The following OR1C1 variants were observed in gnomAD, a reference collection of about 807,000 sequenced individuals.
OR1C1 encodes olfactory receptor family 1 subfamily C member 1, also known as olfactory receptor 1C1.
For missense variants in OR1C1, 407 were observed against 384.3 expected (o/e 1.06, Z -0.49); for synonymous variants, 153 against 154.6 (o/e 0.99, Z 0.08).
Position 247,758,042 on chromosome 1 carries a change from C to T in OR1C1, c.365G>A (p.Arg122Lys), listed in dbSNP as rs376521367. 6.2e-7 allele frequency: 1 copy of T among 1,613,990 alleles called. No individual in the cohort carries two copies. Among genetic ancestry groups the T allele is most frequent in the Admixed American group, 1.7e-5 (1 of 59,974 alleles). ...SLLLCVMAYD[R>K]YVAICHPLHY... Reference sequence around the variant, plus strand: ...TAAGGGGTGGCAAATCGCCACATATCTATCATACGCCATCACACACAGAAG... The same window carrying T: ...TAAGGGGTGGCAAATCGCCACATATTTATCATACGCCATCACACACAGAAG... Residue 122 changes from arginine (R) to lysine (K), a missense_variant, in exon 2 of 2, where the codon AGA becomes AAA. Arg to Lys is a conservative substitution (Grantham distance 26). Coordinates refer to ENST00000641256, the MANE Select transcript of OR1C1 (RefSeq NM_012353.3).
At position 247,757,872 on chromosome 1, in the gene OR1C1, A is replaced by G. The variant is rs75170791; in HGVS notation, c.535T>C (p.Cys179Arg). The G allele has an allele frequency of 1.2e-3, 1,862 of 1,614,076 alleles. 18 individuals carry two copies. The African/African-American group carries it at 0.022, about 19-fold the overall frequency. Reference sequence around the variant, plus strand: ...AGCTGCAGGAGAGGATTGAGATCACAGAAGAAATGATGGATGATATTGGAG... The same window carrying G: ...AGCTGCAGGAGAGGATTGAGATCACGGAAGAAATGATGGATGATATTGGAG... ...CASNIIHHFF[C>R]DLNPLLQLSC... is the part of the protein sequence containing the mutation. Residue 179 changes from cysteine to arginine, a missense_variant, in exon 2 of 2, where the codon TGT becomes CGT. Transcript: ENST00000641256.
chr1:247,757,566 C>A lies in OR1C1; in HGVS notation c.841G>T (p.Val281Leu), dbSNP rs1165752262. Residue 281 changes from valine (V) to leucine (L), a missense_variant, in exon 2 of 2, where the codon GTG becomes TTG. By Grantham distance (32) the Val-to-Leu change is conservative. Transcript: ENST00000641256. ...ATGAAAGGATTCAGCATCGGAGCCA[C>A]CATTGAATACATGATGGTTGACAGA... ...DTLSTIMYSM[V>L]APMLNPFIYT... 1 of 1,613,834 alleles carries A rather than the reference C, an allele frequency of 6.2e-7. No homozygotes were observed. Among genetic ancestry groups the A allele is most frequent in the Non-Finnish European group, 8.5e-7 (1 of 1,179,948 alleles).
rs193139603 is a variant in OR1C1 at position 247,754,981 on chromosome 1, A to G, written c.*2481T>C. The G allele has an allele frequency of 1.8e-4, 27 of 152,328 alleles. No individual in the cohort carries two copies. The highest frequency in any genetic ancestry group is 8.5e-4 in the Admixed American group (13 of 15,294). The allele number at this position is 152,328 out of a possible 1,614,324, so 9.4% of individuals were successfully genotyped here. A position where few individuals can be genotyped will look rare whatever the true frequency, so the allele number is the denominator to read the frequency against. ...TAATCAAAAATGGCATGGTACTGGC[A>G]TAAAAATAGACACATAGAAATAAAT... On this transcript the variant is annotated 3_prime_UTR_variant, in exon 2 of 2. Transcript: ENST00000641256.
In OR1C1 at chr1:247,758,278, C is replaced by G; in HGVS notation, c.129G>C (p.Met43Ile). ...CMYLATTLGNMLIIATIGFDS... is the reference protein window; with the variant it reads ...CMYLATTLGNILIIATIGFDS... Reference sequence around the variant, plus strand: ...CAAAGCCAATCGTCGCAATGATGAGCATGTTCCCCAAGGTGGTGGCTAAAT... The same window carrying G: ...CAAAGCCAATCGTCGCAATGATGAGGATGTTCCCCAAGGTGGTGGCTAAAT... The change falls in exon 2 of 2, where the codon ATG becomes ATC. Residue 43 changes from methionine (M) to isoleucine (I), a missense_variant. By Grantham distance (10) the Met-to-Ile change is conservative. Transcript: ENST00000641256. The G allele has an allele frequency of 6.2e-7, 1 of 1,613,938 alleles. No homozygotes were observed. The highest frequency in any genetic ancestry group is 8.5e-7 in the Non-Finnish European group (1 of 1,179,936).
At chr1:247,758,487 AGTGT>A (rs61126187) in intron 1 of OR1C1, 68 bp from the exon 2 acceptor site, 1,310 of 595,122 alleles carry the variant, frequency 2.2e-3, no homozygotes, top group East Asian at 8.5e-3. Flanking sequence ...AGAGAGAGAC[AGTGT>A]GTGTGTGTGT....
chr1:247,757,710 C>G lies in OR1C1; in HGVS notation c.697G>C (p.Gly233Arg). Residue 233 changes from glycine to arginine, a missense_variant, in exon 2 of 2, where the codon GGC (glycine) becomes CGC (arginine). Coordinates refer to ENST00000641256, the MANE Select transcript of OR1C1 (RefSeq NM_012353.3). Reference protein sequence around the residue: ...STVLKITSTQGKQRAVSTCSC... With the variant: ...STVLKITSTQRKQRAVSTCSC... ...CAGGTGGAAACAGCTCTCTGCTTGCCCTGAGTAGAGGTGATCTTCAGAACA... is the reference window on the plus strand; with the variant it reads ...CAGGTGGAAACAGCTCTCTGCTTGCGCTGAGTAGAGGTGATCTTCAGAACA... The G allele has an allele frequency of 6.2e-7, 1 of 1,613,994 alleles. No individual in the cohort carries two copies. Among genetic ancestry groups the G allele is most frequent in the Non-Finnish European group, 8.5e-7 (1 of 1,179,964 alleles).
Position 247,757,783 on chromosome 1 carries a change from G to T in OR1C1, c.624C>A (p.Leu208=). The stretch of plus-strand genomic sequence containing the variant: ...ATACGAGGATACAGACAAGGGGCGT[G>T]AGAGCCAATAGACCTCCTACTGCAA... ...IIFAVGGLLA[L]TPLVCILVSY... The change falls in exon 2 of 2, where the codon CTC becomes CTA. Residue 208 remains leucine, a synonymous_variant. Coordinates refer to ENST00000641256, the MANE Select transcript of OR1C1 (RefSeq NM_012353.3). The T allele has an allele frequency of 6.2e-7, 1 of 1,614,004 alleles. No individual in the cohort carries two copies. Among genetic ancestry groups the T allele is most frequent in the South Asian group, 1.1e-5 (1 of 91,068 alleles).
intron 1 of OR1C1, among the ~76,000 whole-genome samples, chr1:247,758,845 C>T (rs1169367336): frequency 6.6e-6 from 1 of 152,064 alleles, no homozygotes; most frequent in Non-Finnish European, 1.5e-5. Flanking sequence ...ATTTTCCTCC[C>T]AATCTGATGC....
intron 1 of OR1C1, 68 bp from the exon 2 acceptor site, chr1:247,758,487 A>AGTGTGTGTGTGTGTGTGTGT (rs61126187): frequency 1.8e-6 from 1 of 569,978 alleles, no homozygotes; most frequent in Admixed American, 3.0e-5. Flanking sequence ...AGAGAGAGAC[A>AGTGTGTGTGTGTGTGTGTGT]GTGTGTGTGT....
In OR1C1 at chr1:247,757,657, C is replaced by A; in HGVS notation, c.750G>T (p.Leu250Phe). Residue 250 changes from leucine to phenylalanine, a missense_variant, in exon 2 of 2, where the codon TTG becomes TTT. Transcript: ENST00000641256. ...TCSCHLSVVVLFYGTAIAVYF... is the reference protein window; with the variant it reads ...TCSCHLSVVVFFYGTAIAVYF... ...AGACGGCGATGGCTGTGCCGTAAAA[C>A]AACACCACCACTGACAGGTGGCAGC... 2 of 1,614,064 alleles carry A rather than the reference C, an allele frequency of 1.2e-6. No homozygotes were observed. Among genetic ancestry groups the A allele is most frequent in the Non-Finnish European group, 1.7e-6 (2 of 1,179,996 alleles).
chr1:247,757,940 G>T lies in OR1C1; in HGVS notation c.467C>A (p.Ala156Asp), dbSNP rs759576255. Residue 156 changes from alanine (A) to aspartate (D), a missense_variant, in exon 2 of 2, where the codon GCC (alanine) becomes GAC (aspartate). Transcript: ENST00000641256. ...AGLWLVTYLH[A>D]LLHTVLIAQL... ...TGCTATTAGGACAGTATGCAGGAGG[G>T]CGTGGAGGTAAGTAACAAGCCACAG... 2 of 1,614,080 alleles carry T rather than the reference G, an allele frequency of 1.2e-6. No homozygotes were observed. Among genetic ancestry groups the T allele is most frequent in the Admixed American group, 1.7e-5 (1 of 59,984 alleles).
At chr1:247,759,588 A>G (rs1251276714) in intron 1 of OR1C1, among the ~76,000 whole-genome samples, 1 of 152,178 alleles carries the variant, frequency 6.6e-6, no homozygotes, top group African/African-American at 2.4e-5. Flanking sequence ...TATTTTATTG[A>G]TTTGTATGAC....
chr1:247,759,681 A>G (rs1661295133), intron 1 of OR1C1, among the ~76,000 whole-genome samples: 1 of 152,236 alleles, frequency 6.6e-6, no homozygotes, highest in South Asian at 2.1e-4. Context: ...GATTAACCCT[A>G]GAGAACACAA....
chr1:247,757,918 T>C lies in OR1C1; in HGVS notation c.489A>G (p.Ile163Met), dbSNP rs746461416. The C allele has an allele frequency of 6.2e-6, 10 of 1,614,020 alleles. No homozygotes were observed. The highest frequency in any genetic ancestry group is 8.5e-6 in the Non-Finnish European group (10 of 1,179,950). ...TGGAGGCACAGAAGGACAGCTGTGC[T>C]ATTAGGACAGTATGCAGGAGGGCGT... Reference protein sequence around the residue: ...YLHALLHTVLIAQLSFCASNI... With the variant: ...YLHALLHTVLMAQLSFCASNI... Residue 163 changes from isoleucine to methionine, a missense_variant, in exon 2 of 2, where the codon ATA becomes ATG. By Grantham distance (10) the Ile-to-Met change is conservative. Coordinates refer to ENST00000641256, the MANE Select transcript of OR1C1 (RefSeq NM_012353.3).
At chr1:247,759,052 C>A (rs1009518027) in intron 1 of OR1C1, among the ~76,000 whole-genome samples, 1 of 151,992 alleles carries the variant, frequency 6.6e-6, no homozygotes, top group African/African-American at 2.4e-5. Context: ...CTTTCAGGAC[C>A]CTTCCTTGTA....
Position 247,757,600 on chromosome 1 carries a change from C to A in OR1C1, c.807G>T (p.Glu269Asp). The A allele has an allele frequency of 6.2e-7, 1 of 1,614,064 alleles. No homozygotes were observed. The highest frequency in any genetic ancestry group is 8.5e-7 in the Non-Finnish European group (1 of 1,180,006). The change falls in exon 2 of 2, where the codon GAG becomes GAT. Residue 269 changes from glutamate to aspartate, a missense_variant. Coordinates refer to ENST00000641256, the MANE Select transcript of OR1C1 (RefSeq NM_012353.3). Reference protein sequence around the residue: ...YFSPSSPHMPESDTLSTIMYS... With the variant: ...YFSPSSPHMPDSDTLSTIMYS... ...ACATGATGGTTGACAGAGTGTCGCT[C>A]TCAGGCATATGGGGGGATGAAGGGC...
Position 247,757,926 on chromosome 1 carries a change from C to A in OR1C1, c.481G>T (p.Val161Phe), listed in dbSNP as rs568460638. 9.9e-6 allele frequency: 16 copies of A among 1,614,016 alleles called. No homozygotes were observed. The highest frequency in any genetic ancestry group is 6.7e-5 in the East Asian group (3 of 44,862). ...CAGAAGGACAGCTGTGCTATTAGGA[C>A]AGTATGCAGGAGGGCGTGGAGGTAA... The part of the protein sequence containing the change: ...VTYLHALLHT[V>F]LIAQLSFCAS... The change falls in exon 2 of 2, where the codon GTC becomes TTC. Residue 161 changes from valine to phenylalanine, a missense_variant. Physicochemically the swap from Val to Phe is conservative, Grantham distance 50. Transcript: ENST00000641256.
At position 247,758,216 on chromosome 1, in the gene OR1C1, C is replaced by T. The variant is rs1661262139; in HGVS notation, c.191G>A (p.Ser64Asn). ...GCAGATGTCAACAAAGGCCAAGTTA[C>T]TAAGGAAGAAGTACATAGGGGAATG... ...HLHSPMYFFL[S>N]NLAFVDICFT... Residue 64 changes from serine (S) to asparagine (N), a missense_variant, in exon 2 of 2, where the codon AGT (serine) becomes AAT (asparagine). Coordinates refer to ENST00000641256, the MANE Select transcript of OR1C1 (RefSeq NM_012353.3). 8 of 1,613,994 alleles carry T rather than the reference C, an allele frequency of 5.0e-6. No homozygotes were observed. Among genetic ancestry groups the T allele is most frequent in the South Asian group, 1.1e-5 (1 of 91,064 alleles).
At position 247,758,201 on chromosome 1, in the gene OR1C1, A is replaced by C; in HGVS notation, c.206T>G (p.Val69Gly). 6.2e-7 allele frequency: 1 copy of C among 1,614,102 alleles called. No individual in the cohort carries two copies. The highest frequency in any genetic ancestry group is 8.5e-7 in the Non-Finnish European group (1 of 1,180,002). Residue 69 changes from valine to glycine, a missense_variant, in exon 2 of 2, where the codon GTT becomes GGT. Val to Gly is a moderately radical substitution (Grantham distance 109). Transcript: ENST00000641256. Reference protein sequence around the residue: ...MYFFLSNLAFVDICFTSTTVP... With the variant: ...MYFFLSNLAFGDICFTSTTVP... ...TGTAGTCGACGTAAAGCAGATGTCAACAAAGGCCAAGTTACTAAGGAAGAA... is the reference window on the plus strand; with the variant it reads ...TGTAGTCGACGTAAAGCAGATGTCACCAAAGGCCAAGTTACTAAGGAAGAA...
Sources: allele counts gnomAD v4.1 joint callset (sites outside exome capture counted in the v4.1 genomes callset), GRCh38; gene constraint gnomAD v4.1.1; transcripts MANE v1.5; gene names NCBI Gene and HGNC (gene_info 2026-07-23, HGNC 2026-07-21).